Variants in VIL1 observed in about 807,000 individuals in gnomAD.
VIL1 encodes the protein villin-1.
Under a neutral mutation model 104.0 loss-of-function variants are expected in VIL1, and 86 were observed. The observed-to-expected ratio is 0.83, with a 90% CI of 0.69 to 0.99. The LOEUF is 0.99. Among genes scored for constraint, VIL1 ranks in the 50% least tolerant of loss-of-function variants. VIL1 has a pLI of 0.00. For synonymous variants in VIL1, 394 were observed against 412.6 expected, an observed-to-expected ratio of 0.95 and a Z score of 0.55; for missense variants, 944 against 1,054.1, an observed-to-expected ratio of 0.90 and a Z score of 1.45.
At chr2:218,447,386 T>A (rs1689383370) in intron 19 of VIL1, among the ~76,000 whole-genome samples, 1 of 152,174 alleles carries the variant, frequency 6.6e-6, no homozygotes, top group Non-Finnish European at 1.5e-5. Flanking sequence ...GGCACTATCT[T>A]GGCTTACTGC....
At chr2:218,430,571 T>A (rs775790542) in intron 9 of VIL1, among the ~76,000 whole-genome samples, 154 bp from the exon 10 acceptor site, 5 of 151,818 alleles carry the variant, frequency 3.3e-5, no homozygotes, top group Non-Finnish European at 7.4e-5. Context: ...TAGGGTTAGG[T>A]TGGGGATTAG....
At chr2:218,441,884 T>C (rs1689289918) in intron 19 of VIL1, among the ~76,000 whole-genome samples, 2 of 151,770 alleles carry the variant, frequency 1.3e-5, no homozygotes, top group African/African-American at 4.8e-5. Context: ...CTACTCGGGA[T>C]GCTGAGGCAG....
chr2:218,429,638 C>A lies in VIL1; in HGVS notation c.812C>A (p.Ala271Asp). The part of the protein sequence containing the change: ...SEGNLVVREV[A>D]TRPLTQDLLS... ...GGGAATCTGGTGGTGAGGGAAGTCG[C>A]CACACGGCCACTGACACAGGACCTG... The change falls in exon 8 of 20, where the codon GCC (alanine) becomes GAC (aspartate). Residue 271 changes from alanine to aspartate, a missense_variant. Physicochemically the swap from Ala to Asp is moderately radical, Grantham distance 126 (BLOSUM62 -2). Transcript: ENST00000248444. The A allele has an allele frequency of 6.2e-7, 1 of 1,614,108 alleles. No individual in the cohort carries two copies. Among genetic ancestry groups the A allele is most frequent in the South Asian group, 1.1e-5 (1 of 91,092 alleles).
rs199747933 is a variant in VIL1, at chr2:218,437,279, C to G, written c.2127C>G (p.Gly709=). 6.2e-7 allele frequency: 1 copy of G among 1,614,148 alleles called. No homozygotes were observed. The highest frequency in any genetic ancestry group is 1.7e-5 in the Admixed American group (1 of 60,020). ...KQGHEPPTFT[G]WFLAWDPFKW... is the part of the protein sequence containing the mutation. ...GACACGAGCCCCCCACCTTCACAGG[C>G]TGGTTCCTGGCTTGGGATCCCTTCA... Residue 709 remains glycine, a synonymous_variant, in exon 17 of 20, where the codon GGC becomes GGG. Transcript: ENST00000248444.
intron 13 of VIL1, 101 bp downstream of exon 13, chr2:218,433,052 G>C: frequency 2.1e-6 from 3 of 1,429,254 alleles, no homozygotes; most frequent in Non-Finnish European, 2.9e-6. Flanking sequence ...GGCTTGAGGT[G>C]AAGCCCATTC....
rs1038856514 is a variant in VIL1, at chr2:218,428,237, C to T, written c.467C>T (p.Ser156Phe). 3.1e-6 allele frequency: 5 copies of T among 1,614,080 alleles called. No homozygotes were observed. The highest frequency in any genetic ancestry group is 8.5e-7 in the Non-Finnish European group (1 of 1,179,990). ...CCTGTGGCTCCCTAGGTAGAGATGT[C>T]CTGGAAGAGTTTCAACCGAGGGGAT... is the stretch of plus-strand genomic sequence containing the variant. ...RNVVAGEVEM[S>F]WKSFNRGDVF... is the part of the protein sequence containing the mutation. Residue 156 changes from serine to phenylalanine, a missense_variant, in exon 6 of 20, where the codon TCC (serine) becomes TTC (phenylalanine). By Grantham distance (155) the Ser-to-Phe change is radical. Transcript: ENST00000248444.
intron 19 of VIL1, among the ~76,000 whole-genome samples, chr2:218,448,651 T>A (rs538152700): frequency 2.0e-5 from 3 of 152,090 alleles, no homozygotes; most frequent in Non-Finnish European, 4.4e-5. Context: ...TAATGTGAAC[T>A]TGACCCTTGT....
At chr2:218,423,981 C>A in intron 2 of VIL1, 128 bp downstream of exon 2, 1 of 1,048,966 alleles carries the variant, frequency 9.5e-7, no homozygotes. Context: ...AGCTCAGCCC[C>A]TCACCTCCCG....
At chr2:218,440,208 C>T (rs1468673146) in intron 18 of VIL1, among the ~76,000 whole-genome samples, 1 of 152,116 alleles carries the variant, frequency 6.6e-6, no homozygotes, top group African/African-American at 2.4e-5. Context: ...GTTAATGAAT[C>T]GTTAAAGAAA....
Position 218,436,462 on chromosome 2 carries a change from A to G in VIL1, c.1827-20A>G, listed in dbSNP as rs1484552102. 1 of 1,609,860 alleles carries G rather than the reference A, an allele frequency of 6.2e-7. No individual in the cohort carries two copies. The highest frequency in any genetic ancestry group is 8.5e-7 in the Non-Finnish European group (1 of 1,177,836). ...GCCACACCTTCCTTCTGCCAGTACA[A>G]TCTTCTCTCCATCCTGCAGACTACA... is the stretch of plus-strand genomic sequence containing the variant. On this transcript the variant is annotated intron_variant, in intron 15 of 19. Coordinates refer to ENST00000248444, the MANE Select transcript of VIL1 (RefSeq NM_007127.3).
Position 218,449,515 on chromosome 2 carries a change from C to T in VIL1, c.*179C>T. On this transcript the variant is annotated 3_prime_UTR_variant, in exon 20 of 20. Transcript: ENST00000248444. ...TACCTATTCCTTCAGAAAGATGATA[C>T]CCCAAAAGGAGCCTATGGTCCTCAT... 3.8e-6 allele frequency: 2 copies of T among 531,402 alleles called. No homozygotes were observed. Among genetic ancestry groups the T allele is most frequent in the Non-Finnish European group, 6.8e-6 (2 of 293,196 alleles). The allele number at this position is 531,402 out of a possible 1,614,324, so 32.9% of individuals were successfully genotyped here.
chr2:218,444,099 G>A (rs1342196417), intron 19 of VIL1, among the ~76,000 whole-genome samples: 1 of 152,124 alleles, frequency 6.6e-6, no homozygotes, highest in Non-Finnish European at 1.5e-5. Context: ...CCAAGTAGCT[G>A]GGATTACAGG....
chr2:218,429,813 C>G, intron 8 of VIL1, 36 bp from the exon 9 acceptor site: 1 of 1,600,842 alleles, frequency 6.2e-7, no homozygotes, highest in Non-Finnish European at 8.6e-7. Context: ...TCCAGCACCT[C>G]CAGCTCCATC....
chr2:218,435,080 C>A (rs1435513743), intron 14 of VIL1, among the ~76,000 whole-genome samples: 1 of 140,640 alleles, frequency 7.1e-6, no homozygotes, highest in Non-Finnish European at 1.6e-5. Flanking sequence ...GAGTCCCTCT[C>A]GAACCTTGAA....
chr2:218,429,693 C>G lies in VIL1; in HGVS notation c.849+18C>G, dbSNP rs768808403. 1 of 1,613,928 alleles carries G rather than the reference C, an allele frequency of 6.2e-7. No individual in the cohort carries two copies. Among genetic ancestry groups the G allele is most frequent in the Non-Finnish European group, 8.5e-7 (1 of 1,179,938 alleles). ...GTCACGAGGTAAGAGGGTCTGGAGA[C>G]CCCTCAGCCTACTGCAGCCTGGCCC... is the stretch of plus-strand genomic sequence containing the variant. On this transcript the variant is annotated intron_variant, in intron 8 of 19. Coordinates refer to ENST00000248444, the MANE Select transcript of VIL1 (RefSeq NM_007127.3).
At position 218,453,155 on chromosome 2, in the gene VIL1, A is replaced by C. The variant is rs533511216; in HGVS notation, c.*3819A>C. ...ATGAAAACTTAGAATAGTTTACTAC[A>C]TTAGAATACATCCAAGTTCCAAGAG... is the stretch of plus-strand genomic sequence containing the variant. On this transcript the variant is annotated 3_prime_UTR_variant, in exon 20 of 20. Transcript: ENST00000248444. The C allele has an allele frequency of 5.9e-5, 9 of 152,204 alleles. No homozygotes were observed. Among genetic ancestry groups the C allele is most frequent in the African/African-American group, 2.2e-4 (9 of 41,452 alleles). 9.4% of individuals were successfully genotyped at this position (152,204 alleles called of 1,614,324 possible). A position where few individuals can be genotyped will look rare whatever the true frequency, so the allele number is the denominator to read the frequency against.
rs776244893 is a variant in VIL1, at chr2:218,430,818, A to T, written c.1042A>T (p.Lys348Ter). The T allele has an allele frequency of 6.2e-7, 1 of 1,614,036 alleles. No individual in the cohort carries two copies. Among genetic ancestry groups the T allele is most frequent in the South Asian group, 1.1e-5 (1 of 91,052 alleles). The change falls in exon 10 of 20, where the codon AAG (lysine) becomes TAG (stop). Residue 348 changes from lysine (K) to a stop codon, truncating the protein, a stop_gained. Transcript: ENST00000248444. LOFTEE classifies it high-confidence loss of function. ...ESAVFQQLFQ[K>*]WTASNRTSGL... is the part of the protein sequence containing the mutation. ...GGCCGTCTTTCAGCAGCTCTTCCAG[A>T]AGTGGACAGCGTCCAACCGGACCTC...
chr2:218,440,666 C>A (rs2106396271), intron 18 of VIL1, 56 bp from the exon 19 acceptor site: 2 of 1,608,438 alleles, frequency 1.2e-6, no homozygotes, highest in East Asian at 4.5e-5. Flanking sequence ...GAAAGGCAGC[C>A]TGGGAGGTAG....
At chr2:218,422,331 G>A (rs779998658) in intron 1 of VIL1, among the ~76,000 whole-genome samples, 3 of 152,086 alleles carry the variant, frequency 2.0e-5, no homozygotes, top group African/African-American at 7.2e-5. Flanking sequence ...AACAGAAAAC[G>A]GTCTCCTCCT....
Sources: allele counts gnomAD v4.1 joint callset (sites outside exome capture counted in the v4.1 genomes callset), GRCh38; gene constraint gnomAD v4.1.1; transcripts MANE v1.5; gene names NCBI Gene and HGNC (gene_info 2026-07-23, HGNC 2026-07-21).